The following ZNF804B variants were observed in gnomAD, a reference collection of about 807,000 sequenced individuals.
The protein encoded by ZNF804B is zinc finger 804B.
In ZNF804B, 80 loss-of-function variants were observed where a neutral mutation model predicts 101.4. That is an observed-to-expected ratio of 0.79 (90% CI 0.66 to 0.95). The LOEUF (loss-of-function observed/expected upper bound fraction) is 0.95. Ranked by LOEUF, ZNF804B falls within the 40% of genes least tolerant of loss-of-function variation. ZNF804B has a pLI of 0.00. For synonymous variants in ZNF804B, 622 were observed against 558.8 expected (o/e 1.11, Z -1.59); for missense variants, 1,673 against 1,561.9 (o/e 1.07, Z -1.20).
At chr7:88,777,703 C>T (rs1425025116) in intron 1 of ZNF804B, among the ~76,000 whole-genome samples, 2 of 151,882 alleles carry the variant, frequency 1.3e-5, no homozygotes, top group East Asian at 3.9e-4. Flanking sequence ...TAAAAATTAG[C>T]CAGGTGTGGT....
intron 1 of ZNF804B, among the ~76,000 whole-genome samples, chr7:89,081,981 T>C (rs1303960734): frequency 6.6e-6 from 1 of 151,810 alleles, no homozygotes; most frequent in African/African-American, 2.4e-5. Flanking sequence ...ACTCTAATAT[T>C]CACCCATTCT....
At chr7:88,890,754 T>C (rs1792203349) in intron 1 of ZNF804B, among the ~76,000 whole-genome samples, 1 of 152,184 alleles carries the variant, frequency 6.6e-6, no homozygotes, top group African/African-American at 2.4e-5. Context: ...TTCAGTTCTG[T>C]ATATTATCCC....
chr7:89,210,449 A>G (rs969453607), intron 1 of ZNF804B, among the ~76,000 whole-genome samples: 1 of 152,116 alleles, frequency 6.6e-6, no homozygotes, highest in African/African-American at 2.4e-5. Flanking sequence ...TCACCTAGGT[A>G]TTAAGCCCAG....
chr7:89,203,892 C>A (rs183748067), intron 1 of ZNF804B, among the ~76,000 whole-genome samples: 3 of 152,222 alleles, frequency 2.0e-5, no homozygotes, highest in East Asian at 1.9e-4. Context: ...ACATGTAGAA[C>A]ATAAACACAG....
intron 1 of ZNF804B, among the ~76,000 whole-genome samples, chr7:89,036,075 A>G (rs1198519948): frequency 2.7e-5 from 4 of 148,878 alleles, no homozygotes; most frequent in East Asian, 3.9e-4. Context: ...AAAACACAGT[A>G]TGTGGTACCT....
At chr7:88,922,466 ATTACT>A (rs1007555901) in intron 1 of ZNF804B, among the ~76,000 whole-genome samples, 15 of 152,176 alleles carry the variant, frequency 9.9e-5, no homozygotes, top group African/African-American at 3.1e-4. Flanking sequence ...CATTCTTAAA[ATTACT>A]TTAATGAAAG....
rs114676406 is a variant in ZNF804B at position 89,066,641 on chromosome 7, T to C, written c.109-151514T>C. 8.7e-3 allele frequency among the ~76,000 whole-genome samples: 1,332 copies of C among 152,310 alleles called. 17 individuals carry two copies. Among genetic ancestry groups the C allele is most frequent in the African/African-American group, 0.031 (1,284 of 41,574 alleles). Reference sequence around the variant, plus strand: ...ATATAAAATGATATTACCAAATATTTGTCATCTGGCGTAACAATTAATGAG... The same window carrying C: ...ATATAAAATGATATTACCAAATATTCGTCATCTGGCGTAACAATTAATGAG... On this transcript the variant is annotated intron_variant, in intron 1 of 3. Transcript: ENST00000333190.
At chr7:89,165,184 G>T (rs1001864849) in intron 1 of ZNF804B, among the ~76,000 whole-genome samples, 23 of 152,036 alleles carry the variant, frequency 1.5e-4, no homozygotes, top group African/African-American at 4.8e-4. Context: ...TTTGACTTTT[G>T]TAGTGCTTTT....
Position 89,337,053 on chromosome 7 carries a change from G to A in ZNF804B, c.*21G>A. ...ACTAATAAGTGTTAAAGCCCCTCCT[G>A]TGGATAATTTTTTTAATTGTCACTA... On this transcript the variant is annotated 3_prime_UTR_variant, in exon 4 of 4. Coordinates refer to ENST00000333190, the MANE Select transcript of ZNF804B (RefSeq NM_181646.5). 1 of 1,579,898 alleles carries A rather than the reference G, an allele frequency of 6.3e-7. No homozygotes were observed. Among genetic ancestry groups the A allele is most frequent in the Middle Eastern group, 1.7e-4 (1 of 5,876 alleles).
chr7:89,040,541 C>T (rs1044909540), intron 1 of ZNF804B, among the ~76,000 whole-genome samples: 3 of 152,050 alleles, frequency 2.0e-5, no homozygotes, highest in Admixed American at 6.6e-5. Flanking sequence ...AGTCGTATGT[C>T]TATGTTCTCT....
At chr7:88,764,015 GATTA>G (rs1248123787) in intron 1 of ZNF804B, among the ~76,000 whole-genome samples, 1 of 152,108 alleles carries the variant, frequency 6.6e-6, no homozygotes, top group Non-Finnish European at 1.5e-5. Context: ...ATAGTCTATA[GATTA>G]ATTCAGTGTT....
chr7:89,069,937 C>A (rs936433025), intron 1 of ZNF804B, among the ~76,000 whole-genome samples: 1 of 152,080 alleles, frequency 6.6e-6, no homozygotes, highest in African/African-American at 2.4e-5. Context: ...AGCAAGATGC[C>A]TGCTACAAAC....
At chr7:88,787,018 G>T (rs1034941369) in intron 1 of ZNF804B, among the ~76,000 whole-genome samples, 2 of 152,102 alleles carry the variant, frequency 1.3e-5, no homozygotes, top group African/African-American at 2.4e-5. Context: ...ACAGAAAAAA[G>T]TTCCTTGAGT....
chr7:88,947,839 A>T (rs895881552), intron 1 of ZNF804B, among the ~76,000 whole-genome samples: 4 of 151,918 alleles, frequency 2.6e-5, no homozygotes, highest in African/African-American at 7.2e-5. Flanking sequence ...ACACTGTGCC[A>T]TTTCACATAA....
chr7:89,291,378 C>T (rs1355635997), intron 2 of ZNF804B, among the ~76,000 whole-genome samples: 1 of 152,024 alleles, frequency 6.6e-6, no homozygotes, highest in Non-Finnish European at 1.5e-5. Context: ...CATAGACATT[C>T]ATAACACAGA....
intron 1 of ZNF804B, among the ~76,000 whole-genome samples, chr7:89,061,930 C>T (rs1789387759): frequency 6.6e-6 from 1 of 152,020 alleles, no homozygotes; most frequent in African/African-American, 2.4e-5. Context: ...ATACTCTTGG[C>T]CAAGTCAGTT....
chr7:89,283,853 T>G (rs928274561), intron 2 of ZNF804B, among the ~76,000 whole-genome samples: 4 of 152,096 alleles, frequency 2.6e-5, no homozygotes, highest in Non-Finnish European at 4.4e-5. Flanking sequence ...GTAAATTTAT[T>G]GAAACATTTT....
At chr7:89,171,279 G>GCTTCTTCTTCTT (rs1491306372) in intron 1 of ZNF804B, among the ~76,000 whole-genome samples, 3 of 70,616 alleles carry the variant, frequency 4.2e-5, no homozygotes, top group Non-Finnish European at 6.2e-5. Context: ...CACAAATAAT[G>GCTTCTTCTTCTT]CTGCTGCTGC....
At chr7:89,280,151 A>G (rs914997759) in intron 2 of ZNF804B, among the ~76,000 whole-genome samples, 40 of 152,210 alleles carry the variant, frequency 2.6e-4, no homozygotes, top group Non-Finnish European at 3.4e-4. Flanking sequence ...CCTGCTCCTG[A>G]AAGACTACTG....
Sources: gnomAD v4.1 joint callset for allele counts (sites outside exome capture counted in the v4.1 genomes callset) on GRCh38, gnomAD v4.1.1 for gene constraint, MANE v1.5 for transcripts, NCBI Gene and HGNC (gene_info 2026-07-23, HGNC 2026-07-21) for gene names.